The following KMT2C variants were observed in gnomAD, a reference collection of about 807,000 sequenced individuals.
KMT2C encodes histone-lysine N-methyltransferase 2C.
Under a neutral mutation model 507.9 loss-of-function variants are expected in KMT2C, and 88 were observed. The observed-to-expected ratio is 0.17, with a 90% CI of 0.15 to 0.21. The LOEUF (loss-of-function observed/expected upper bound fraction) is 0.21. Ranked by LOEUF, KMT2C falls within the 10% of genes least tolerant of loss-of-function variation. The probability of loss-of-function intolerance (pLI) is 1.00; values close to 1 mark genes in which losing one functional copy is unlikely to be tolerated. For synonymous variants in KMT2C, 2,049 were observed against 2,080.8 expected (o/e 0.98, Z 0.42); for missense variants, 4,954 against 5,957.8 (o/e 0.83, Z 5.55).
chr7:152,427,903 A>T (rs2097834807), intron 1 of KMT2C, among the ~76,000 whole-genome samples: 1 of 152,154 alleles, frequency 6.6e-6, no homozygotes, highest in South Asian at 2.1e-4. Flanking sequence ...CAGTGACTGG[A>T]ATCTTCCTCC....
In KMT2C at chr7:152,263,091, C is replaced by T. The variant is rs200755036; in HGVS notation, c.1224G>A (p.Thr408=). 8 of 1,612,164 alleles carry T rather than the reference C, an allele frequency of 5.0e-6. No homozygotes were observed. Among genetic ancestry groups the T allele is most frequent in the East Asian group, 4.5e-5 (2 of 44,846 alleles). ...GEDSKMLVCD[T]CDKGYHTFCL... is the part of the protein sequence containing the mutation. ...AAAAAGTATGATACCCTTTGTCACA[C>T]GTATCACACACTAGCATCTTGCTAT... The change falls in exon 9 of 59, where the codon ACG becomes ACA. Residue 408 remains threonine, a synonymous_variant. Transcript: ENST00000262189.
Position 152,135,982 on chromosome 7 carries a change from T to C in KMT2C, c.*850A>G, listed in dbSNP as rs1478205684. ...ATATTGTAACATCCCTATGAACATT[T>C]TATAAGCCCCCGAGCTGCTGCAGAG... On this transcript the variant is annotated 3_prime_UTR_variant, in exon 59 of 59. Transcript: ENST00000262189. 3 of 226,746 alleles carry C rather than the reference T, an allele frequency of 1.3e-5. No homozygotes were observed. In the East Asian group the frequency reaches 1.9e-4, roughly 15 times the overall value. The allele number at this position is 226,746 out of a possible 1,614,324, so 14.0% of individuals were successfully genotyped here.
rs1374118576 is a variant in KMT2C at position 152,138,544 on chromosome 7, G to C, written c.14643+252C>G. 12 of 371,444 alleles carry C rather than the reference G, an allele frequency of 3.2e-5. No individual in the cohort carries two copies. Among genetic ancestry groups the C allele is most frequent in the Non-Finnish European group, 5.4e-5 (11 of 204,472 alleles). 23.0% of individuals were successfully genotyped at this position (371,444 alleles called of 1,614,324 possible). A position where few individuals can be genotyped will look rare whatever the true frequency, so the allele number is the denominator to read the frequency against. On this transcript the variant is annotated intron_variant, in intron 58 of 58. Coordinates refer to ENST00000262189, the MANE Select transcript of KMT2C (RefSeq NM_170606.3). The surrounding 1 kb of genome is among the most constrained non-coding windows in gnomAD (Gnocchi z 4.2). ...AATGATACCACCTGGGTGCCATGGG[G>C]ATGCTGAACCCGTGGCACAGAAGGG...
chr7:152,309,921 G>A (rs371354529), intron 6 of KMT2C, 45 bp downstream of exon 6: 2 of 1,182,758 alleles, frequency 1.7e-6, no homozygotes, highest in Middle Eastern at 1.9e-4. Flanking sequence ...TGATTAAAGT[G>A]AATGTTATAA....
At chr7:152,276,197 G>C (rs1398870994) in intron 6 of KMT2C, among the ~76,000 whole-genome samples, 6 of 152,114 alleles carry the variant, frequency 3.9e-5, no homozygotes, top group African/African-American at 1.4e-4. Context: ...AGCTAATGAA[G>C]AGCACTCGGC....
At chr7:152,233,863 G>C (rs1477158608) in intron 16 of KMT2C, among the ~76,000 whole-genome samples, 2 of 152,210 alleles carry the variant, frequency 1.3e-5, no homozygotes, top group East Asian at 3.8e-4. Flanking sequence ...CTGTCCCACA[G>C]GCTGGGCACT....
chr7:152,301,820 T>C (rs574870440), intron 6 of KMT2C, among the ~76,000 whole-genome samples: 1 of 152,334 alleles, frequency 6.6e-6, no homozygotes, highest in South Asian at 2.1e-4. Flanking sequence ...ATTTATAAAA[T>C]AGATACTAGC....
At chr7:152,221,528 A>T (rs892416121) in intron 22 of KMT2C, among the ~76,000 whole-genome samples, 1 of 152,222 alleles carries the variant, frequency 6.6e-6, no homozygotes, top group African/African-American at 2.4e-5. Flanking sequence ...GTTCCTTAGA[A>T]CAATTCCTGT....
intron 6 of KMT2C, among the ~76,000 whole-genome samples, chr7:152,283,403 T>C (rs1404932701): frequency 1.3e-5 from 2 of 152,140 alleles, no homozygotes; most frequent in African/African-American, 2.4e-5. Flanking sequence ...ATCAAGTTAG[T>C]TGGATACACT....
rs964616557 is a variant in KMT2C at position 152,249,727 on chromosome 7, G to T, written c.1813+149C>A. ...TTTCAAGAGAAACTAACCTTCTTTA[G>T]ATCCATTGTCAATTCTTTTCCAGAA... On this transcript the variant is annotated intron_variant, in intron 13 of 58. Transcript: ENST00000262189. 32 of 140,720 alleles carry T rather than the reference G, an allele frequency of 2.3e-4. No homozygotes were observed. The Admixed American group carries it at 2.3e-3, about 10-fold the overall frequency. The allele number at this position is 140,720 out of a possible 1,614,324, so 8.7% of individuals were successfully genotyped here. A position where few individuals can be genotyped will look rare whatever the true frequency, so the allele number is the denominator to read the frequency against.
At chr7:152,221,301 G>C (rs200858962) in intron 22 of KMT2C, among the ~76,000 whole-genome samples, 1 of 152,166 alleles carries the variant, frequency 6.6e-6, no homozygotes, top group African/African-American at 2.4e-5. Context: ...CCAATAAAAA[G>C]AGTTAGAAGC....
At chr7:152,228,009 A>G (rs200149216) in intron 18 of KMT2C, among the ~76,000 whole-genome samples, 29 of 152,204 alleles carry the variant, frequency 1.9e-4, no homozygotes, top group African/African-American at 2.7e-4. Flanking sequence ...AACCCCAGTG[A>G]GTCTGTAAAG....
At chr7:152,348,647 A>G (rs957892482) in intron 2 of KMT2C, among the ~76,000 whole-genome samples, 3 of 151,306 alleles carry the variant, frequency 2.0e-5, no homozygotes, top group Non-Finnish European at 4.4e-5. Context: ...GAAAAAAAGC[A>G]TAGGGAATAC....
chr7:152,282,663 T>C (rs888127098), intron 6 of KMT2C, among the ~76,000 whole-genome samples: 2 of 152,062 alleles, frequency 1.3e-5, no homozygotes, highest in Non-Finnish European at 2.9e-5. Context: ...TACTAGATGA[T>C]AGTGCATGTC....
Position 152,162,521 on chromosome 7 carries a change from T to C in KMT2C, c.11056A>G (p.Asn3686Asp), listed in dbSNP as rs768631043. 3 of 1,614,228 alleles carry C rather than the reference T, an allele frequency of 1.9e-6. No homozygotes were observed. Among genetic ancestry groups the C allele is most frequent in the East Asian group, 4.5e-5 (2 of 44,882 alleles). ...GGAGTTGCTTGTGAGAAATCACTATTGGGCAGTTTGTTCTCTAATTCTGTA... is the reference window on the plus strand; with the variant it reads ...GGAGTTGCTTGTGAGAAATCACTATCGGGCAGTTTGTTCTCTAATTCTGTA... ...LCTELENKLP[N>D]SDFSQATPNQ... Residue 3686 changes from asparagine (N) to aspartate (D), a missense_variant, in exon 43 of 59, where the codon AAT becomes GAT. Coordinates refer to ENST00000262189, the MANE Select transcript of KMT2C (RefSeq NM_170606.3).
At chr7:152,380,527 C>G (rs1420252440) in intron 1 of KMT2C, among the ~76,000 whole-genome samples, 1 of 150,694 alleles carries the variant, frequency 6.6e-6, no homozygotes, top group Admixed American at 6.6e-5. Flanking sequence ...GAGATCGCAC[C>G]ATTGCACTCC....
At position 152,210,361 on chromosome 7, in the gene KMT2C, T is replaced by C. The variant is rs184472373; in HGVS notation, c.3713-2933A>G. On this transcript the variant is annotated intron_variant, in intron 23 of 58. Coordinates refer to ENST00000262189, the MANE Select transcript of KMT2C (RefSeq NM_170606.3). ...ACTACTTAATTCCTTTTTTAAAAAA[T>C]AAAAATACTATCTATCCAGTCTCCA... Among the ~76,000 whole-genome samples the C allele has an allele frequency of 2.8e-3, 419 of 152,260 alleles. 4 individuals are homozygous for C. Among genetic ancestry groups the C allele is most frequent in the Non-Finnish European group, 3.2e-3 (220 of 68,006 alleles).
chr7:152,259,446 GCACACACA>G (rs372982101), intron 9 of KMT2C, among the ~76,000 whole-genome samples: 1,855 of 134,756 alleles, frequency 0.014, 32 homozygotes, highest in African/African-American at 0.039. Flanking sequence ...ACACACACGC[GCACACACA>G]CACACACACA....
intron 6 of KMT2C, among the ~76,000 whole-genome samples, chr7:152,309,068 T>A (rs2096646649): frequency 2.6e-5 from 4 of 152,176 alleles, no homozygotes; most frequent in African/African-American, 9.7e-5. Context: ...AATCACTTTT[T>A]AAAATATCAA....
Sources: gnomAD v4.1 joint callset for allele counts (sites outside exome capture counted in the v4.1 genomes callset) on GRCh38, gnomAD v4.1.1 for gene constraint, Gnocchi (gnomAD v3.1) non-coding constraint, MANE v1.5 for transcripts, NCBI Gene and HGNC (gene_info 2026-07-23, HGNC 2026-07-21) for gene names.